Variants in FRK observed in about 807,000 individuals in gnomAD.
The protein encoded by FRK is tyrosine-protein kinase FRK.
A neutral mutation model predicts 56.4 loss-of-function variants in FRK; 51 were observed. The ratio of observed to expected loss-of-function variants is 0.90; its 90% CI spans 0.72 to 1.14. FRK has a LOEUF of 1.14. Ranked by LOEUF, FRK falls within the 50% of genes most tolerant of loss-of-function variation. FRK has a pLI of 0.00. For missense variants in FRK, 570 were observed against 601.4 expected (o/e 0.95, Z 0.55); for synonymous variants, 245 against 217.9 (o/e 1.12, Z -1.10).
intron 2 of FRK, among the ~76,000 whole-genome samples, chr6:115,996,448 G>C (rs1383965134): frequency 6.6e-6 from 1 of 152,144 alleles, no homozygotes; most frequent in Non-Finnish European, 1.5e-5. Context: ...CAGAGACATA[G>C]AGGGTCATAC....
chr6:116,058,727 G>A (rs967372577), intron 1 of FRK, among the ~76,000 whole-genome samples: 11 of 151,862 alleles, frequency 7.2e-5, no homozygotes, highest in Non-Finnish European at 1.5e-4. Flanking sequence ...CGGCTAACAC[G>A]GTGAAACCCC....
chr6:115,960,193 G>A (rs1245072413), intron 4 of FRK, among the ~76,000 whole-genome samples: 6 of 150,962 alleles, frequency 4.0e-5, no homozygotes, highest in East Asian at 2.0e-4. Context: ...TGCGCGCACC[G>A]TGCGCGAGCC....
chr6:115,956,512 C>A lies in FRK; in HGVS notation c.898G>T (p.Asp300Tyr). 6.3e-7 allele frequency: 1 copy of A among 1,589,136 alleles called. No homozygotes were observed. Among genetic ancestry groups the A allele is most frequent in the Non-Finnish European group, 8.6e-7 (1 of 1,168,086 alleles). The change falls in exon 5 of 8, where the codon GAT becomes TAT. Residue 300 changes from aspartate (D) to tyrosine (Y), a missense_variant. Asp to Tyr is a radical substitution (Grantham distance 160). Transcript: ENST00000606080. ...AACTCTGTAATAATATAAATTGGAT[C>A]TTCTAAAGTGCAAACAGCATAAAGC... ...IQLYAVCTLE[D>Y]PIYIITELMR...
chr6:115,995,715 C>T (rs376257595), intron 2 of FRK, among the ~76,000 whole-genome samples: 4 of 152,106 alleles, frequency 2.6e-5, no homozygotes, highest in Non-Finnish European at 5.9e-5. Flanking sequence ...GGAAAAGGTT[C>T]TTTGCCTGTG....
chr6:116,099,459 C>T, the FRK span, among the ~76,000 whole-genome samples: 1 of 152,318 alleles, frequency 6.6e-6, no homozygotes, highest in African/African-American at 2.4e-5. Flanking sequence ...GTCAATGCTC[C>T]AGGGCCAACA....
In FRK at chr6:115,968,651, T is replaced by C. The variant is rs745449361; in HGVS notation, c.555A>G (p.Thr185=). The change falls in exon 3 of 8, where the codon ACA becomes ACG. Residue 185 remains threonine (T), a synonymous_variant. Transcript: ENST00000606080. ...TGTAGTGGCTCACAAATTCGTTCAG[T>C]GTTGAAAAGATTCTTCTTCGCGTGA... The part of the protein sequence containing the change: ...FFLTRRRIFS[T]LNEFVSHYTK... 19 of 1,613,876 alleles carry C rather than the reference T, an allele frequency of 1.2e-5. No homozygotes were observed. Among genetic ancestry groups the C allele is most frequent in the Non-Finnish European group, 1.5e-5 (18 of 1,179,806 alleles).
intron 6 of FRK, among the ~76,000 whole-genome samples, chr6:115,943,865 G>A (rs1243912522): frequency 6.6e-6 from 1 of 152,106 alleles, no homozygotes; most frequent in Admixed American, 6.6e-5. Context: ...GAAGAATTCT[G>A]GCAGCATGCA....
intron 5 of FRK, among the ~76,000 whole-genome samples, chr6:115,955,635 A>C (rs1296643619): frequency 4.6e-5 from 7 of 152,176 alleles, no homozygotes; most frequent in Admixed American, 4.6e-4. Flanking sequence ...TTCATAAGTC[A>C]TCCTGAAATC....
chr6:115,943,897 G>A (rs1364784086), intron 6 of FRK, among the ~76,000 whole-genome samples: 1 of 152,160 alleles, frequency 6.6e-6, no homozygotes, highest in Non-Finnish European at 1.5e-5. Flanking sequence ...CATACAGTGA[G>A]TAATAGTGGT....
intron 1 of FRK, among the ~76,000 whole-genome samples, chr6:116,031,177 C>T (rs550624067): frequency 8.9e-4 from 136 of 152,180 alleles, no homozygotes; most frequent in African/African-American, 2.9e-3. Context: ...GATTAATTCA[C>T]TGACAGAAAT....
rs1772015088 is a variant in FRK at position 115,934,827 on chromosome 6, AG to A, written c.*7586del. On this transcript the variant is annotated 3_prime_UTR_variant, in exon 8 of 8. Transcript: ENST00000606080. ...GAAACCATCTTGGAAAAGTCTACCTAGTTATCTAATGAGACAGATAATTTGA... is the reference window on the plus strand; with the variant it reads ...GAAACCATCTTGGAAAAGTCTACCTATTATCTAATGAGACAGATAATTTGA... The A allele has an allele frequency of 6.6e-6, 1 of 152,166 alleles. No homozygotes were observed. The highest frequency in any genetic ancestry group is 2.4e-5 in the African/African-American group (1 of 41,442). 9.4% of individuals were successfully genotyped at this position (152,166 alleles called of 1,614,324 possible).
rs1320256090 is a variant in FRK at position 115,938,921 on chromosome 6, T to C, written c.*3493A>G. ...AAGAGGTACAAAGCTAGTACTATTC[T>C]TTCTGAAACTATTCCAAACAATAGG... On this transcript the variant is annotated 3_prime_UTR_variant, in exon 8 of 8. Coordinates refer to ENST00000606080, the MANE Select transcript of FRK (RefSeq NM_002031.3). 1.3e-5 allele frequency: 2 copies of C among 152,074 alleles called. No homozygotes were observed. Among genetic ancestry groups the C allele is most frequent in the Admixed American group, 6.6e-5 (1 of 15,256 alleles). 9.4% of individuals were successfully genotyped at this position (152,074 alleles called of 1,614,324 possible).
the FRK span, among the ~76,000 whole-genome samples, chr6:116,089,259 G>C: frequency 2.0e-5 from 3 of 152,142 alleles, no homozygotes; most frequent in African/African-American, 7.2e-5. Flanking sequence ...TTAAGATATT[G>C]ACTGAGATAT....
Position 116,038,989 on chromosome 6 carries a change from G to T in FRK, c.344+20979C>A, listed in dbSNP as rs1363825980. The stretch of plus-strand genomic sequence containing the variant: ...AACGGGGCCTTTACTTGGGAGATCA[G>T]CCCTGGCATGATCAAAGACTGCAAA... On this transcript the variant is annotated intron_variant, in intron 1 of 7. Transcript: ENST00000606080. 2.0e-5 allele frequency: 14 copies of T among 716,410 alleles called. No homozygotes were observed. The African/African-American group carries it at 2.4e-4, about 12-fold the overall frequency. 44.4% of individuals were successfully genotyped at this position (716,410 alleles called of 1,614,324 possible).
In FRK at chr6:115,942,243, C is replaced by T; in HGVS notation, c.*171G>A. 1.7e-6 allele frequency: 1 copy of T among 594,734 alleles called. No homozygotes were observed. The highest frequency in any genetic ancestry group is 3.0e-6 in the Non-Finnish European group (1 of 337,466). The allele number at this position is 594,734 out of a possible 1,614,324, so 36.8% of individuals were successfully genotyped here. On this transcript the variant is annotated 3_prime_UTR_variant, in exon 8 of 8. Transcript: ENST00000606080. ...ACCTTGACTGTCCTGCAGTGTTGCCCAGTCAATAAAATGCACAAATAATCT... is the reference window on the plus strand; with the variant it reads ...ACCTTGACTGTCCTGCAGTGTTGCCTAGTCAATAAAATGCACAAATAATCT...
chr6:116,021,500 C>CA (rs1775872224), intron 1 of FRK, among the ~76,000 whole-genome samples: 1 of 152,054 alleles, frequency 6.6e-6, no homozygotes, highest in Non-Finnish European at 1.5e-5. Context: ...AACTATACTT[C>CA]CACCTTCAAA....
intron 1 of FRK, among the ~76,000 whole-genome samples, chr6:116,005,557 A>C (rs1775218006): frequency 1.3e-5 from 2 of 152,188 alleles, no homozygotes; most frequent in African/African-American, 4.8e-5. Flanking sequence ...AAGGTAGAAA[A>C]TTGGAAACAT....
chr6:116,033,163 A>G (rs1238778500), intron 1 of FRK, among the ~76,000 whole-genome samples: 1 of 39,554 alleles, frequency 2.5e-5, no homozygotes, highest in Non-Finnish European at 4.8e-5. Flanking sequence ...AATAAGATCA[A>G]TTTGAACTGC....
At chr6:115,958,649 A>T (rs867933233) in intron 4 of FRK, among the ~76,000 whole-genome samples, 496 of 3,896 alleles carry the variant, frequency 0.13, 31 homozygotes, top group African/African-American at 0.31. Context: ...GAAAGAAAAG[A>T]AAGAAAGAAA....
Sources: allele counts gnomAD v4.1 joint callset (sites outside exome capture counted in the v4.1 genomes callset), GRCh38; gene constraint gnomAD v4.1.1; transcripts MANE v1.5; gene names NCBI Gene and HGNC (gene_info 2026-07-23, HGNC 2026-07-21).